EBF1: variants seen among roughly 807,000 people sequenced by gnomAD.
EBF1 encodes EBF transcription factor 1.
A neutral mutation model predicts 68.4 loss-of-function variants in EBF1; 10 were observed. The ratio of observed to expected loss-of-function variants is 0.15; its 90% confidence interval spans 0.09 to 0.25. The LOEUF is 0.25. EBF1 is among the 10% of genes least tolerant of loss of function. The pLI is 1.00. For synonymous variants in EBF1, 298 were observed against 299.8 expected (o/e 0.99, Z 0.06); for missense variants, 509 against 794.4 (o/e 0.64, Z 4.32).
intron 6 of EBF1, among the ~76,000 whole-genome samples, chr5:158,859,205 A>C (rs1794580179): frequency 6.6e-6 from 1 of 152,302 alleles, no homozygotes; most frequent in African/African-American, 2.4e-5. Flanking sequence ...CTCAAATTAG[A>C]ATCACTTTGT....
chr5:159,095,726 G>A (rs766324676), intron 3 of EBF1, 51 bp from the exon 4 acceptor site: 21 of 1,587,358 alleles, frequency 1.3e-5, no homozygotes, highest in Non-Finnish European at 1.8e-5. Flanking sequence ...AGGTTACGGA[G>A]GGTGGGTGGA....
chr5:158,998,604 T>C (rs1158601364), intron 6 of EBF1, among the ~76,000 whole-genome samples: 1 of 152,218 alleles, frequency 6.6e-6, no homozygotes, highest in East Asian at 1.9e-4. Flanking sequence ...TTGTCTATCA[T>C]TTTACCAACC....
intron 11 of EBF1, among the ~76,000 whole-genome samples, chr5:158,727,798 G>T (rs1422638502): frequency 6.6e-6 from 1 of 152,122 alleles, no homozygotes; most frequent in Non-Finnish European, 1.5e-5. Flanking sequence ...CTCGCAGGAG[G>T]GACTCCAATA....
intron 6 of EBF1, among the ~76,000 whole-genome samples, chr5:158,879,415 T>A (rs1179696015): frequency 2.0e-5 from 3 of 152,162 alleles, no homozygotes; most frequent in African/African-American, 7.2e-5. Flanking sequence ...TCTTGGGTGT[T>A]TCTACCTGAA....
chr5:158,988,597 T>A (rs1191209963), intron 6 of EBF1, among the ~76,000 whole-genome samples: 1 of 152,140 alleles, frequency 6.6e-6, no homozygotes, highest in African/African-American at 2.4e-5. Context: ...CACCACCCTA[T>A]CTTTGAAGGG....
chr5:158,743,468 A>T (rs1766876269), intron 10 of EBF1, among the ~76,000 whole-genome samples: 1 of 152,216 alleles, frequency 6.6e-6, no homozygotes, highest in Non-Finnish European at 1.5e-5. Flanking sequence ...GCAAGGAGTC[A>T]TTTAAGATTT....
At chr5:158,874,682 A>G (rs1468093331) in intron 6 of EBF1, among the ~76,000 whole-genome samples, 3 of 152,148 alleles carry the variant, frequency 2.0e-5, no homozygotes, top group African/African-American at 7.2e-5. Context: ...TCTCAGCCAC[A>G]TCTTGATTTC....
intron 6 of EBF1, among the ~76,000 whole-genome samples, chr5:158,994,296 G>A (rs188198218): frequency 3.9e-5 from 6 of 152,198 alleles, no homozygotes; most frequent in Non-Finnish European, 7.3e-5. Flanking sequence ...TACAATGAGC[G>A]ATCTGATTCC....
At chr5:158,793,072 A>C (rs571004673) in intron 9 of EBF1, among the ~76,000 whole-genome samples, 1 of 152,336 alleles carries the variant, frequency 6.6e-6, no homozygotes, top group East Asian at 1.9e-4. Flanking sequence ...TTCAAGTCCC[A>C]TCTCTCTACC....
intron 6 of EBF1, among the ~76,000 whole-genome samples, chr5:159,016,448 T>C (rs909832303): frequency 6.6e-6 from 1 of 152,218 alleles, no homozygotes; most frequent in African/African-American, 2.4e-5. Flanking sequence ...TCAATTAAAA[T>C]GTGGGCCTCA....
intron 6 of EBF1, among the ~76,000 whole-genome samples, chr5:158,966,407 GCT>G (rs1754119213): frequency 1.3e-5 from 2 of 152,076 alleles, no homozygotes; most frequent in African/African-American, 2.4e-5. Context: ...GTTATAAAAA[GCT>G]ATTTATTTTT....
chr5:158,872,475 C>G (rs1434651132), intron 6 of EBF1, among the ~76,000 whole-genome samples: 1 of 152,200 alleles, frequency 6.6e-6, no homozygotes, highest in Non-Finnish European at 1.5e-5. Context: ...GCTGGGATTA[C>G]AGGCGTGAGC....
chr5:158,823,270 G>A lies in EBF1; in HGVS notation c.684C>T (p.Val228=), dbSNP rs73297953. 59 of 1,613,896 alleles carry A rather than the reference G, an allele frequency of 3.7e-5. No homozygotes were observed. The African/African-American group carries it at 7.6e-4, about 21-fold the overall frequency. ...TVNVDGHVLA[V]SDNMFVHNNS... is the part of the protein sequence containing the mutation. ...TATTATGGACAAACATGTTATCAGA[G>A]ACTGCCAGGACATGGCCATCCACAT... Residue 228 remains valine (V), a synonymous_variant, in exon 8 of 16, where the codon GTC becomes GTT. Coordinates refer to ENST00000313708, the MANE Select transcript of EBF1 (RefSeq NM_024007.5).
intron 6 of EBF1, among the ~76,000 whole-genome samples, chr5:158,973,753 A>G (rs569677185): frequency 6.6e-6 from 1 of 152,354 alleles, no homozygotes; most frequent in South Asian, 2.1e-4. Flanking sequence ...CGTGGTAAAA[A>G]TTAATTCATA....
intron 5 of EBF1, among the ~76,000 whole-genome samples, chr5:159,081,206 C>T (rs1242147931): frequency 6.6e-6 from 1 of 152,150 alleles, no homozygotes; most frequent in Non-Finnish European, 1.5e-5. Context: ...CAGTCTTGAA[C>T]TCCTGGGCTC....
intron 4 of EBF1, among the ~76,000 whole-genome samples, chr5:159,086,674 C>T (rs917441842): frequency 7.9e-5 from 12 of 152,130 alleles, no homozygotes; most frequent in African/African-American, 2.9e-4. Context: ...CTATTGGCAA[C>T]ATAAATTCTG....
At chr5:158,701,478 A>G (rs1756759485) in intron 15 of EBF1, among the ~76,000 whole-genome samples, 2 of 152,212 alleles carry the variant, frequency 1.3e-5, no homozygotes, top group South Asian at 2.1e-4. Context: ...TAACTGATGT[A>G]CCAGTTCATA....
chr5:159,054,434 C>A lies in EBF1; in HGVS notation c.554+18962G>T, dbSNP rs150184075. Among the ~76,000 whole-genome samples, 12 of 152,210 alleles carry A rather than the reference C, an allele frequency of 7.9e-5. No homozygotes were observed. The East Asian group carries it at 2.1e-3, about 27-fold the overall frequency. On this transcript the variant is annotated intron_variant, in intron 6 of 15. Transcript: ENST00000313708. ...AAAAAATAGAGAGAGAGATCTGGTT[C>A]CCATCCTGGACAAAGTTTTCTGTTT...
intron 6 of EBF1, among the ~76,000 whole-genome samples, chr5:158,886,447 A>G (rs968002372): frequency 5.3e-5 from 8 of 152,252 alleles, no homozygotes; most frequent in Non-Finnish European, 8.8e-5. Flanking sequence ...TCACAAATAC[A>G]TTCTTTAGAT....
Sources: allele counts gnomAD v4.1 joint callset (sites outside exome capture counted in the v4.1 genomes callset), GRCh38; gene constraint gnomAD v4.1.1; transcripts MANE v1.5; gene names NCBI Gene and HGNC (gene_info 2026-07-23, HGNC 2026-07-21).